The following LRP1B variants were observed in gnomAD, a reference collection of about 807,000 sequenced individuals.
The protein encoded by LRP1B is low-density lipoprotein receptor-related protein 1B.
In LRP1B, 217 loss-of-function variants were observed where a neutral mutation model predicts 556.6. That is an observed-to-expected ratio of 0.39 (90% CI 0.35 to 0.44). The LOEUF is 0.44. Among genes scored for constraint, LRP1B ranks in the 20% least tolerant of loss-of-function variants. The pLI is 1.00. For missense variants in LRP1B, 5,053 were observed against 5,620.8 expected, an observed-to-expected ratio of 0.90 and a Z score of 3.23; for synonymous variants, 2,047 against 1,865.8, an observed-to-expected ratio of 1.10 and a Z score of -2.50.
intron 41 of LRP1B, among the ~76,000 whole-genome samples, chr2:140,675,894 G>A (rs757319652): frequency 6.6e-6 from 1 of 152,062 alleles, no homozygotes; most frequent in African/African-American, 2.4e-5. Context: ...ACATGAGGCC[G>A]TATTCTGCTC....
intron 1 of LRP1B, among the ~76,000 whole-genome samples, chr2:141,910,649 T>C (rs1180035305): frequency 6.6e-6 from 1 of 152,036 alleles, no homozygotes; most frequent in Non-Finnish European, 1.5e-5. Context: ...AATTATATAG[T>C]TTATCTATGA....
chr2:140,774,242 A>C (rs1427294305), intron 33 of LRP1B, among the ~76,000 whole-genome samples: 1 of 152,036 alleles, frequency 6.6e-6, no homozygotes, highest in African/African-American at 2.4e-5. Context: ...CATTGCTTAA[A>C]TTTTAAGTTT....
intron 38 of LRP1B, 59 bp downstream of exon 38, chr2:140,702,368 T>A (rs757010806): frequency 6.2e-7 from 1 of 1,607,418 alleles, no homozygotes; most frequent in Non-Finnish European, 8.5e-7. Flanking sequence ...ACACTAAAAG[T>A]AGGTAAATTA....
At chr2:141,750,504 C>A (rs181450828) in intron 2 of LRP1B, among the ~76,000 whole-genome samples, 1 of 152,094 alleles carries the variant, frequency 6.6e-6, no homozygotes, top group East Asian at 1.9e-4. Flanking sequence ...TGGACTCCAC[C>A]GCTAGTCCTT....
At position 141,219,458 on chromosome 2, in the gene LRP1B, GGA is replaced by G. The variant is rs1682945895; in HGVS notation, c.850+9723_850+9724del. 2.0e-5 allele frequency among the ~76,000 whole-genome samples: 3 copies of G among 152,234 alleles called. No individual in the cohort carries two copies. In the South Asian group the frequency reaches 6.2e-4, roughly 31 times the overall value. On this transcript the variant is annotated intron_variant, in intron 6 of 90. Transcript: ENST00000389484. The stretch of plus-strand genomic sequence containing the variant: ...GATAAAACTCTGATATTCCTGGGAA[GGA>G]GACCCTGGGGGAAGGTGTGACCGTG...
At chr2:140,771,871 T>C (rs1689323721) in intron 33 of LRP1B, among the ~76,000 whole-genome samples, 1 of 152,202 alleles carries the variant, frequency 6.6e-6, no homozygotes, top group Admixed American at 6.5e-5. Context: ...TTACAAAGCA[T>C]GATGAAAGCT....
intron 35 of LRP1B, among the ~76,000 whole-genome samples, chr2:140,749,676 A>G (rs1340766939): frequency 6.6e-6 from 1 of 152,144 alleles, no homozygotes; most frequent in Non-Finnish European, 1.5e-5. Flanking sequence ...TATGATAACA[A>G]TGCCTTCTTC....
intron 41 of LRP1B, among the ~76,000 whole-genome samples, chr2:140,625,988 G>C (rs192752431): frequency 3.7e-4 from 57 of 152,190 alleles, no homozygotes; most frequent in African/African-American, 1.3e-3. Flanking sequence ...TCTCTCAATA[G>C]GTAAATGCAT....
chr2:141,096,931 A>C (rs186525163), intron 7 of LRP1B, among the ~76,000 whole-genome samples: 95 of 152,282 alleles, frequency 6.2e-4, no homozygotes, highest in Middle Eastern at 3.4e-3. Context: ...TTGGTCCTGC[A>C]TTGCCAACAG....
At chr2:142,130,524 G>T in intron 1 of LRP1B, 124 bp downstream of exon 1, 1 of 773,254 alleles carries the variant, frequency 1.3e-6, no homozygotes, top group Non-Finnish European at 2.1e-6. Flanking sequence ...AGCGCACGGT[G>T]GTCACCCGGT....
intron 11 of LRP1B, among the ~76,000 whole-genome samples, chr2:141,026,343 T>C (rs914833371): frequency 6.6e-6 from 1 of 152,088 alleles, no homozygotes; most frequent in African/African-American, 2.4e-5. Context: ...ACTTGGTCCC[T>C]TAAACATTCA....
chr2:141,039,484 C>T (rs564876891), intron 11 of LRP1B, among the ~76,000 whole-genome samples: 22 of 151,990 alleles, frequency 1.4e-4, no homozygotes, highest in East Asian at 5.8e-4. Flanking sequence ...TATTTACCTC[C>T]GATAAAGGGG....
chr2:141,213,819 G>T (rs77772255), intron 6 of LRP1B, among the ~76,000 whole-genome samples: 14,982 of 150,318 alleles, frequency 0.1, 976 homozygotes, highest in South Asian at 0.2. Context: ...TTTTTTACTG[G>T]TTTTTTTTTC....
At chr2:141,653,839 T>C (rs1418574121) in intron 2 of LRP1B, among the ~76,000 whole-genome samples, 1 of 152,198 alleles carries the variant, frequency 6.6e-6, no homozygotes, top group Non-Finnish European at 1.5e-5. Context: ...ACAGAAGTTG[T>C]GGTTTACAGT....
chr2:142,094,329 G>A (rs1388215435), intron 1 of LRP1B, among the ~76,000 whole-genome samples: 5 of 152,176 alleles, frequency 3.3e-5, no homozygotes, highest in East Asian at 1.9e-4. Context: ...AATGTGTGAA[G>A]CTGGCTTTAA....
chr2:141,672,997 C>T lies in LRP1B; in HGVS notation c.205+137282G>A, dbSNP rs115055515. On this transcript the variant is annotated intron_variant, in intron 2 of 90. Transcript: ENST00000389484. ...AGAAGTCTCCTATGGGTATCATTAA[C>T]ACATTCCCCTACCCTAAAAACAGTC... is the stretch of plus-strand genomic sequence containing the variant. Among the ~76,000 whole-genome samples, 1,045 of 152,264 alleles carry T rather than the reference C, an allele frequency of 6.9e-3. 13 individuals carry two copies. Among genetic ancestry groups the T allele is most frequent in the African/African-American group, 0.024 (994 of 41,558 alleles).
chr2:140,284,334 A>T (rs2104971773), intron 84 of LRP1B, among the ~76,000 whole-genome samples: 1 of 135,276 alleles, frequency 7.4e-6, no homozygotes, highest in South Asian at 2.7e-4. Flanking sequence ...TTCAGAGTGC[A>T]AAGTAATGAC....
intron 35 of LRP1B, among the ~76,000 whole-genome samples, chr2:140,747,527 G>A (rs1055248840): frequency 9.9e-5 from 15 of 152,132 alleles, no homozygotes; most frequent in African/African-American, 3.6e-4. Context: ...TGCTCAGATT[G>A]GAGTGGAGAG....
chr2:140,663,107 G>A (rs1325162127), intron 41 of LRP1B, among the ~76,000 whole-genome samples: 1 of 152,090 alleles, frequency 6.6e-6, no homozygotes, highest in African/African-American at 2.4e-5. Context: ...ATGTTAAATT[G>A]CATGCTATAT....
Sources: gnomAD v4.1 joint callset for allele counts (sites outside exome capture counted in the v4.1 genomes callset) on GRCh38, gnomAD v4.1.1 for gene constraint, MANE v1.5 for transcripts, NCBI Gene and HGNC (gene_info 2026-07-23, HGNC 2026-07-21) for gene names.